NAV3: variants seen among roughly 807,000 people sequenced by gnomAD.
The protein encoded by NAV3 is neuron navigator 3.
A neutral mutation model predicts 244.7 loss-of-function variants in NAV3; 87 were observed. The observed-to-expected ratio is 0.36, with a 90% confidence interval of 0.30 to 0.42. The LOEUF (loss-of-function observed/expected upper bound fraction) is 0.42, where lower values mean the gene tolerates loss of function less well. NAV3 is among the 20% of genes least tolerant of loss of function. NAV3 has a pLI of 1.00. For missense variants in NAV3, 2,663 were observed against 2,893.3 expected (o/e 0.92, Z 1.83); for synonymous variants, 1,126 against 1,042.2 (o/e 1.08, Z -1.55).
At chr12:78,184,974 A>G (rs190140683) in intron 30 of NAV3, among the ~76,000 whole-genome samples, 1 of 151,934 alleles carries the variant, frequency 6.6e-6, no homozygotes, top group East Asian at 1.9e-4. Context: ...TAACTTTATC[A>G]TGCTTCTGTA....
At chr12:78,186,603 A>T (rs1735905579) in intron 31 of NAV3, among the ~76,000 whole-genome samples, 1 of 151,956 alleles carries the variant, frequency 6.6e-6, no homozygotes, top group Admixed American at 6.6e-5. Flanking sequence ...CATAAGCAGT[A>T]ATTTTAACTG....
chr12:77,974,345 A>T (rs967051848), intron 5 of NAV3, among the ~76,000 whole-genome samples: 1 of 151,998 alleles, frequency 6.6e-6, no homozygotes, highest in Non-Finnish European at 1.5e-5. Flanking sequence ...GCAGTGGCTC[A>T]GTATCAGCTC....
chr12:77,905,190 A>G (rs1431609982), intron 1 of NAV3, among the ~76,000 whole-genome samples: 1 of 152,114 alleles, frequency 6.6e-6, no homozygotes, highest in Non-Finnish European at 1.5e-5. Flanking sequence ...GGATTTTGAG[A>G]TTCAAGATGA....
chr12:77,837,087 T>C (rs1874777156), intron 1 of NAV3, among the ~76,000 whole-genome samples: 1 of 152,138 alleles, frequency 6.6e-6, no homozygotes, highest in South Asian at 2.1e-4. Flanking sequence ...TGGACAATTC[T>C]TTTGCAGAAT....
At chr12:77,856,087 A>G (rs536676110) in intron 1 of NAV3, among the ~76,000 whole-genome samples, 23 of 152,184 alleles carry the variant, frequency 1.5e-4, no homozygotes, top group Non-Finnish European at 3.4e-4. Flanking sequence ...ACTTCAATAT[A>G]ATTTTTAAGA....
At chr12:78,172,613 G>A (rs967563657) in intron 24 of NAV3, among the ~76,000 whole-genome samples, 1 of 151,514 alleles carries the variant, frequency 6.6e-6, no homozygotes, top group African/African-American at 2.4e-5. Flanking sequence ...TTATTCCAAG[G>A]TAGTAATATT....
At position 78,119,685 on chromosome 12, in the gene NAV3, T is replaced by C. The variant is rs1197506299; in HGVS notation, c.3489T>C (p.Asp1163=). ...ACAGATCCAGTACCAGCAGTATTGA[T>C]TCCAACGTCAGCAGCAAGTCTGCTG... ...GGHRSSTSSI[D]SNVSSKSAGA... is the part of the protein sequence containing the mutation. Residue 1163 remains aspartate, a synonymous_variant, in exon 15 of 40, where the codon GAT becomes GAC. Coordinates refer to ENST00000397909, the MANE Select transcript of NAV3 (RefSeq NM_001024383.2). The C allele has an allele frequency of 1.9e-6, 3 of 1,614,152 alleles. No homozygotes were observed. Among genetic ancestry groups the C allele is most frequent in the Non-Finnish European group, 2.5e-6 (3 of 1,180,024 alleles).
rs1592503461 is a variant in NAV3, at chr12:77,612,652, C to T, written c.72+40386C>T. 3.3e-5 allele frequency among the ~76,000 whole-genome samples: 5 copies of T among 152,206 alleles called. No homozygotes were observed. The South Asian group carries it at 1.0e-3, about 32-fold the overall frequency. ...GATTTTAGAACAAGAAGATATTTTT[C>T]CCTAGCATTGCTTTATTTTATAGAA... On this transcript the variant is annotated intron_variant, in intron 2 of 8. Coordinates refer to the NAV3 transcript ENST00000550042.
intron 2 of NAV3, among the ~76,000 whole-genome samples, chr12:77,752,436 C>T (rs1006285922): frequency 1.3e-5 from 2 of 151,970 alleles, no homozygotes; most frequent in African/African-American, 2.4e-5. Flanking sequence ...TAAAAGTAGC[C>T]GAGAGTCCAT....
At chr12:77,724,918 C>T (rs997569374) in intron 2 of NAV3, among the ~76,000 whole-genome samples, 1 of 151,992 alleles carries the variant, frequency 6.6e-6, no homozygotes, top group African/African-American at 2.4e-5. Flanking sequence ...TTTACACTCC[C>T]TTTAAAATAT....
chr12:77,769,249 C>G (rs764439918), intron 2 of NAV3, among the ~76,000 whole-genome samples: 3 of 152,202 alleles, frequency 2.0e-5, no homozygotes, highest in Non-Finnish European at 4.4e-5. Context: ...TTAGTCAAGA[C>G]TGTGTTTGAT....
At chr12:77,840,027 C>T (rs1327189824) in intron 1 of NAV3, among the ~76,000 whole-genome samples, 2 of 152,130 alleles carry the variant, frequency 1.3e-5, no homozygotes, top group Non-Finnish European at 2.9e-5. Flanking sequence ...GAGCCGAGAT[C>T]GCGCCACTGT....
At chr12:77,992,868 A>G (rs1871684008) in intron 5 of NAV3, among the ~76,000 whole-genome samples, 1 of 152,194 alleles carries the variant, frequency 6.6e-6, no homozygotes, top group South Asian at 2.1e-4. Context: ...GAGGCTCAAA[A>G]AGAGGCAGGG....
At chr12:77,697,229 A>G (rs866156181) in intron 2 of NAV3, among the ~76,000 whole-genome samples, 4 of 152,194 alleles carry the variant, frequency 2.6e-5, no homozygotes, top group Non-Finnish European at 4.4e-5. Flanking sequence ...CTTGGCCTGT[A>G]GATGCACTAT....
chr12:78,022,047 A>T (rs1877246258), intron 9 of NAV3, among the ~76,000 whole-genome samples, 185 bp downstream of exon 9: 1 of 152,148 alleles, frequency 6.6e-6, no homozygotes, highest in Non-Finnish European at 1.5e-5. Flanking sequence ...TGTTACTATA[A>T]AAGGAATGGT....
intron 12 of NAV3, among the ~76,000 whole-genome samples, chr12:78,082,006 A>G (rs1434452947): frequency 6.6e-6 from 1 of 152,132 alleles, no homozygotes; most frequent in Non-Finnish European, 1.5e-5. Context: ...CTGTCGTGGG[A>G]TGGACCCAGT....
chr12:77,895,004 A>G (rs1031741546), intron 1 of NAV3, among the ~76,000 whole-genome samples: 3 of 152,182 alleles, frequency 2.0e-5, no homozygotes, highest in African/African-American at 4.8e-5. Context: ...CTTGACTTCA[A>G]ATGCCCCCAT....
chr12:78,071,041 G>T (rs1478563994), intron 12 of NAV3, among the ~76,000 whole-genome samples: 1 of 151,328 alleles, frequency 6.6e-6, no homozygotes, highest in Admixed American at 6.6e-5. Context: ...ATAGCAGCAT[G>T]ATTTATAGTC....
chr12:77,886,002 C>G (rs768685138), intron 1 of NAV3, among the ~76,000 whole-genome samples: 4 of 152,072 alleles, frequency 2.6e-5, no homozygotes, highest in Non-Finnish European at 4.4e-5. Flanking sequence ...CTTCAGTTCT[C>G]CCCTTGTCTA....
Sources: allele counts gnomAD v4.1 joint callset (sites outside exome capture counted in the v4.1 genomes callset), GRCh38; gene constraint gnomAD v4.1.1; transcripts MANE v1.5; gene names NCBI Gene and HGNC (gene_info 2026-07-23, HGNC 2026-07-21).